The following TTYH2 variants were observed in gnomAD, a reference collection of about 807,000 sequenced individuals.
TTYH2 encodes protein tweety homolog 2.
Under a neutral mutation model 68.3 loss-of-function variants are expected in TTYH2, and 49 were observed. That is an observed-to-expected ratio of 0.72 (90% CI 0.57 to 0.91). The LOEUF (loss-of-function observed/expected upper bound fraction) is 0.91. Ranked by LOEUF, TTYH2 falls within the 40% of genes least tolerant of loss-of-function variation. The pLI, the probability that TTYH2 is intolerant of heterozygous loss-of-function variation, is 0.00. For missense variants in TTYH2, 631 were observed against 700.4 expected, an observed-to-expected ratio of 0.90 and a Z score of 1.12; for synonymous variants, 272 against 300.8, an observed-to-expected ratio of 0.90 and a Z score of 0.99.
intron 5 of TTYH2, among the ~76,000 whole-genome samples, chr17:74,243,723 G>A (rs952353418): frequency 6.6e-6 from 1 of 152,224 alleles, no homozygotes; most frequent in Non-Finnish European, 1.5e-5. Context: ...TAAGAAACAT[G>A]GGTCCGTGCA....
chr17:74,218,213 C>T (rs1013527017), intron 1 of TTYH2, among the ~76,000 whole-genome samples: 1 of 152,072 alleles, frequency 6.6e-6, no homozygotes, highest in Non-Finnish European at 1.5e-5. Context: ...CTCCTCTTTT[C>T]CCTCCTCCTT....
intron 3 of TTYH2, among the ~76,000 whole-genome samples, chr17:74,236,292 G>A (rs1030527289): frequency 3.3e-5 from 5 of 152,326 alleles, no homozygotes; most frequent in East Asian, 1.9e-4. Context: ...TTCACTCAGC[G>A]TTCAGGACCC....
Position 74,234,281 on chromosome 17 carries a change from CCG to C in TTYH2, c.415-3011_415-3010del. ...TGCTCTTTCCTCTAGACCGTGGTCT[CCG>C]CCACCTGTAGCTCGTCCCTAAGTCT... On this transcript the variant is annotated intron_variant, in intron 3 of 13. Coordinates refer to ENST00000269346, the MANE Select transcript of TTYH2 (RefSeq NM_032646.6). Among the ~76,000 whole-genome samples the C allele has an allele frequency of 3.3e-5, 5 of 152,318 alleles. 1 individual carries two copies. The highest frequency in any genetic ancestry group is 3.3e-4 in the Admixed American group (5 of 15,298).
Position 74,243,486 on chromosome 17 carries a change from G to A in TTYH2, c.731+17G>A, listed in dbSNP as rs757939459. 82 of 1,611,802 alleles carry A rather than the reference G, an allele frequency of 5.1e-5. 1 individual carries two copies. The East Asian group carries it at 1.2e-3, about 23-fold the overall frequency. ...CCTGGCCTCGTGAGTATCCCTACCC[G>A]TGGACCTGGGACAAAGAGCTGGGCA... On this transcript the variant is annotated intron_variant, in intron 5 of 13. Coordinates refer to ENST00000269346, the MANE Select transcript of TTYH2 (RefSeq NM_032646.6).
In TTYH2 at chr17:74,219,299, G is replaced by C. The variant is rs150939837; in HGVS notation, c.130-3186G>C. ...AGATACTCAGGAGGCTGAGGCAGGA[G>C]AATCCCTTGCACCTGGGAGGCGGAG... On this transcript the variant is annotated intron_variant, in intron 1 of 13. Coordinates refer to ENST00000269346, the MANE Select transcript of TTYH2 (RefSeq NM_032646.6). Among the ~76,000 whole-genome samples, 201 of 151,000 alleles carry C rather than the reference G, an allele frequency of 1.3e-3. 1 individual carries two copies. Among genetic ancestry groups the C allele is most frequent in the Middle Eastern group, 3.4e-3 (1 of 292 alleles).
At position 74,239,137 on chromosome 17, in the gene TTYH2, TGCCAAATCCCAGCCTA is replaced by T. The variant is rs1228372427; in HGVS notation, c.635+1628_635+1643del. 6.6e-6 allele frequency among the ~76,000 whole-genome samples: 1 copy of T among 152,154 alleles called. No homozygotes were observed. The highest frequency in any genetic ancestry group is 1.9e-4 in the East Asian group (1 of 5,162). ...TTTACATCTCCCCTGCCTCCCCATT[TGCCAAATCCCAGCCTA>T]GCCAGAGGCACTGGACACAATCGGC... On this transcript the variant is annotated intron_variant, in intron 4 of 13. Transcript: ENST00000269346. The surrounding 1 kb of genome is among the most constrained non-coding windows in gnomAD (Gnocchi z 5.3).
At position 74,216,859 on chromosome 17, in the gene TTYH2, C is replaced by T. The variant is rs141741239; in HGVS notation, c.129+3143C>T. 1.9e-4 allele frequency among the ~76,000 whole-genome samples: 29 copies of T among 152,334 alleles called. 1 individual carries two copies. The highest frequency in any genetic ancestry group is 7.8e-4 in the Admixed American group (12 of 15,308). On this transcript the variant is annotated intron_variant, in intron 1 of 13. Coordinates refer to ENST00000269346, the MANE Select transcript of TTYH2 (RefSeq NM_032646.6). ...AGATGAGGGGGATTGGATTTGGAGA[C>T]GATTCCTACTCTAAAGAGATGATAA... is the stretch of plus-strand genomic sequence containing the variant.
In TTYH2 at chr17:74,243,445, A is replaced by G; in HGVS notation, c.707A>G (p.Lys236Arg). The G allele has an allele frequency of 6.2e-7, 1 of 1,614,158 alleles. No individual in the cohort carries two copies. Among genetic ancestry groups the G allele is most frequent in the Non-Finnish European group, 8.5e-7 (1 of 1,180,026 alleles). The change falls in exon 5 of 14, where the codon AAG becomes AGG. Residue 236 changes from lysine (K) to arginine (R), a missense_variant. By Grantham distance (26) the Lys-to-Arg change is conservative. Coordinates refer to ENST00000269346, the MANE Select transcript of TTYH2 (RefSeq NM_032646.6). Reference sequence around the variant, plus strand: ...CTCATTGCCTGCCTGGGACTGGCCAAGCGCTCCAAGTGTCTCCTGGCCTCG... The same window carrying G: ...CTCATTGCCTGCCTGGGACTGGCCAGGCGCTCCAAGTGTCTCCTGGCCTCG... Reference protein sequence around the residue: ...ICLIACLGLAKRSKCLLASML... With the variant: ...ICLIACLGLARRSKCLLASML...
In TTYH2 at chr17:74,231,067, C is replaced by T. The variant is rs114144224; in HGVS notation, c.414+68C>T. 9,636 of 1,422,848 alleles carry T rather than the reference C, an allele frequency of 6.8e-3. 471 individuals carry two copies. In the African/African-American group the frequency reaches 0.11, roughly 17 times the overall value. 88.1% of individuals were successfully genotyped at this position (1,422,848 alleles called of 1,614,324 possible). On this transcript the variant is annotated intron_variant, in intron 3 of 13. Transcript: ENST00000269346. ...AAGGTCAGCGTGGTCAGAGCAAGGG[C>T]CCCCGTCAGATCCCAGCTAGCTCAG...
Position 74,215,806 on chromosome 17 carries a change from T to G in TTYH2, c.129+2090T>G. On this transcript the variant is annotated intron_variant, in intron 1 of 13. Coordinates refer to ENST00000269346, the MANE Select transcript of TTYH2 (RefSeq NM_032646.6). The surrounding 1 kb of genome is among the most constrained non-coding windows in gnomAD (Gnocchi z 4.3). ...ACAGAGTCAGGTGGACCGTCGGTCA[T>G]CCCAGTCTTCAGCAAGCTTGACTGG... 4 of 1,297,602 alleles carry G rather than the reference T, an allele frequency of 3.1e-6. No individual in the cohort carries two copies. The highest frequency in any genetic ancestry group is 4.3e-6 in the Non-Finnish European group (4 of 932,998). 80.4% of individuals were successfully genotyped at this position (1,297,602 alleles called of 1,614,324 possible). A position where few individuals can be genotyped will look rare whatever the true frequency, so the allele number is the denominator to read the frequency against.
intron 6 of TTYH2, among the ~76,000 whole-genome samples, chr17:74,247,297 CAT>C (rs1330112515): frequency 5.9e-5 from 9 of 152,102 alleles, no homozygotes; most frequent in East Asian, 3.9e-4. Flanking sequence ...CCTCCCATAA[CAT>C]GTGGGAATTC....
chr17:74,235,329 G>T (rs1452825780), intron 3 of TTYH2, among the ~76,000 whole-genome samples: 3 of 152,100 alleles, frequency 2.0e-5, no homozygotes, highest in Non-Finnish European at 4.4e-5. Context: ...TCCCAGACCC[G>T]TGGGAGCTGA....
Position 74,213,774 on chromosome 17 carries a change from C to G in TTYH2, c.129+58C>G. 4 of 1,579,972 alleles carry G rather than the reference C, an allele frequency of 2.5e-6. No individual in the cohort carries two copies. The highest frequency in any genetic ancestry group is 2.6e-6 in the Non-Finnish European group (3 of 1,161,662). On this transcript the variant is annotated intron_variant, in intron 1 of 13. Transcript: ENST00000269346. The surrounding 1 kb of genome is among the most constrained non-coding windows in gnomAD (Gnocchi z 6.1). ...CGCGCCCCAAGTCCCCGCACTACCC[C>G]CTCTCCCCTCGAGAGCCTGCACTTT...
intron 3 of TTYH2, among the ~76,000 whole-genome samples, chr17:74,233,652 C>G (rs1056477681): frequency 6.6e-6 from 1 of 152,136 alleles, no homozygotes. Flanking sequence ...GGCCCTGCTC[C>G]AAGTCCTCCT....
rs569980138 is a variant in TTYH2, at chr17:74,215,734, A to C, written c.129+2018A>C. The stretch of plus-strand genomic sequence containing the variant: ...TTTGGTAAGTTCCCCTGTTGTGACC[A>C]CAGGTCTCTCCTGGATGTCTTCTTT... On this transcript the variant is annotated intron_variant, in intron 1 of 13. Transcript: ENST00000269346. This position sits in a 1 kb window ranked among gnomAD's most constrained non-coding sequence, Gnocchi z 4.3. 2.6e-6 allele frequency: 4 copies of C among 1,533,424 alleles called. No individual in the cohort carries two copies. In the East Asian group the frequency reaches 7.3e-5, roughly 28 times the overall value. 95.0% of individuals were successfully genotyped at this position (1,533,424 alleles called of 1,614,324 possible).
At chr17:74,223,367 C>G (rs958440317) in intron 2 of TTYH2, among the ~76,000 whole-genome samples, 2 of 152,022 alleles carry the variant, frequency 1.3e-5, no homozygotes, top group Non-Finnish European at 2.9e-5. Flanking sequence ...CTCAAGTGAT[C>G]CACCTGCCTC....
chr17:74,253,046 CT>C (rs751933714), intron 11 of TTYH2, 34 bp from the exon 12 acceptor site: 113 of 1,611,040 alleles, frequency 7.0e-5, no homozygotes, highest in Non-Finnish European at 9.2e-5. Flanking sequence ...CTCCTTCACC[CT>C]TCACAGCCGG....
Position 74,253,224 on chromosome 17 carries a change from C to A in TTYH2, c.1403C>A (p.Pro468His). ...SGLGSQTSLQ[P>H]PAQTISNAPV... Reference sequence around the variant, plus strand: ...CTGGGAAGTCAGACCAGCCTGCAGCCCCCGGCCCAGACCATCTCCAACGCC... The same window carrying A: ...CTGGGAAGTCAGACCAGCCTGCAGCACCCGGCCCAGACCATCTCCAACGCC... The change falls in exon 12 of 14, where the codon CCC (proline) becomes CAC (histidine). Residue 468 changes from proline (P) to histidine (H), a missense_variant. By Grantham distance (77) the Pro-to-His change is moderately conservative. Transcript: ENST00000269346. 1 of 1,612,106 alleles carries A rather than the reference C, an allele frequency of 6.2e-7. No individual in the cohort carries two copies.
In TTYH2 at chr17:74,241,852, G is replaced by T. The variant is rs1484538104; in HGVS notation, c.636-1522G>T. On this transcript the variant is annotated intron_variant, in intron 4 of 13. Coordinates refer to ENST00000269346, the MANE Select transcript of TTYH2 (RefSeq NM_032646.6). The surrounding 1 kb of genome is among the most constrained non-coding windows in gnomAD (Gnocchi z 4.1). ...CCAGCACAGGGTAAAGGGCATGGCTGCCAGGGGAGACCACTGGGCCTTGTG... is the reference window on the plus strand; with the variant it reads ...CCAGCACAGGGTAAAGGGCATGGCTTCCAGGGGAGACCACTGGGCCTTGTG... Among the ~76,000 whole-genome samples, 1 of 152,250 alleles carries T rather than the reference G, an allele frequency of 6.6e-6. No homozygotes were observed. The highest frequency in any genetic ancestry group is 6.5e-5 in the Admixed American group (1 of 15,290).
Sources: gnomAD v4.1 joint callset for allele counts (sites outside exome capture counted in the v4.1 genomes callset) on GRCh38, gnomAD v4.1.1 for gene constraint, Gnocchi (gnomAD v3.1) non-coding constraint, MANE v1.5 for transcripts, NCBI Gene and HGNC (gene_info 2026-07-23, HGNC 2026-07-21) for gene names.